The following SBF2 variants were observed in gnomAD, a reference collection of about 807,000 sequenced individuals.
The protein encoded by SBF2 is myotubularin-related protein 13.
A neutral mutation model predicts 225.2 loss-of-function variants in SBF2; 112 were observed. The ratio of observed to expected loss-of-function variants is 0.50; its 90% CI spans 0.43 to 0.58. The LOEUF is 0.58. Ranked by LOEUF, SBF2 falls within the 20% of genes least tolerant of loss-of-function variation. SBF2 has a pLI of 0.00. For synonymous variants in SBF2, 763 were observed against 773.3 expected, an observed-to-expected ratio of 0.99 and a Z score of 0.22; for missense variants, 1,996 against 2,206.2, an observed-to-expected ratio of 0.90 and a Z score of 1.91.
At chr11:10,207,539 G>C (rs752538758) in intron 1 of SBF2, among the ~76,000 whole-genome samples, 1 of 152,042 alleles carries the variant, frequency 6.6e-6, no homozygotes, top group Admixed American at 6.6e-5. Flanking sequence ...CTTTAAGATT[G>C]CTTAAAACTT....
chr11:9,967,965 CTCTCTCTATA>C (rs1387227839), intron 14 of SBF2, among the ~76,000 whole-genome samples: 41 of 94,936 alleles, frequency 4.3e-4, no homozygotes, highest in African/African-American at 1.2e-3. Flanking sequence ...CTCTCTCTCT[CTCTCTCTATA>C]TATATATATA....
rs1047453608 is a variant in SBF2, at chr11:10,059,396, T to TA, written c.142-16416dup. Among the ~76,000 whole-genome samples the TA allele has an allele frequency of 5.9e-5, 9 of 151,406 alleles. 1 individual carries two copies. Among genetic ancestry groups the TA allele is most frequent in the South Asian group, 4.2e-4 (2 of 4,786 alleles). ...AGAAAAAGTTTCAAACCAACAAAGA[T>TA]AAAAAAAAGACAAGAAATAGCAATA... On this transcript the variant is annotated intron_variant, in intron 2 of 39. Transcript: ENST00000256190.
chr11:10,115,817 T>G (rs1488480540), intron 2 of SBF2, among the ~76,000 whole-genome samples: 2 of 152,168 alleles, frequency 1.3e-5, no homozygotes, highest in African/African-American at 4.8e-5. Context: ...TTTCTGATGA[T>G]CAGGTAGAAA....
chr11:9,966,774 A>C (rs192420276), intron 14 of SBF2, among the ~76,000 whole-genome samples: 4 of 152,342 alleles, frequency 2.6e-5, no homozygotes, highest in African/African-American at 9.6e-5. Flanking sequence ...ACATGAAAAA[A>C]TGTTCAGTAT....
intron 16 of SBF2, chr11:9,959,719 C>A: frequency 1.4e-6 from 1 of 693,868 alleles, no homozygotes; most frequent in Non-Finnish European, 2.7e-6. Context: ...GACTTTCTCA[C>A]CCTGAGGTAG....
At chr11:10,222,902 A>G (rs1378956060) in intron 1 of SBF2, among the ~76,000 whole-genome samples, 1 of 152,120 alleles carries the variant, frequency 6.6e-6, no homozygotes, top group Non-Finnish European at 1.5e-5. Flanking sequence ...CAGGACAGAT[A>G]ATGTCCTTTA....
At chr11:9,960,795 G>A (rs1437194788) in intron 16 of SBF2, 1 of 152,168 alleles carries the variant, frequency 6.6e-6, no homozygotes, top group African/African-American at 2.4e-5. Context: ...CTCCTGCGTA[G>A]CTGGGATTAC....
Position 10,130,313 on chromosome 11 carries a change from G to A in SBF2, c.141+63589C>T, listed in dbSNP as rs535326479. Reference sequence around the variant, plus strand: ...GGAGGCGGAGGTTGCAGTGAGCCGAGATCGCACCACTGTACTCCAGCCTGG... The same window carrying A: ...GGAGGCGGAGGTTGCAGTGAGCCGAAATCGCACCACTGTACTCCAGCCTGG... On this transcript the variant is annotated intron_variant, in intron 2 of 39. Coordinates refer to ENST00000256190, the MANE Select transcript of SBF2 (RefSeq NM_030962.4). 3.9e-3 allele frequency among the ~76,000 whole-genome samples: 584 copies of A among 150,980 alleles called. 3 individuals are homozygous for A. The highest frequency in any genetic ancestry group is 6.3e-3 in the Non-Finnish European group (426 of 67,834).
intron 35 of SBF2, among the ~76,000 whole-genome samples, chr11:9,788,689 G>A (rs913981433): frequency 1.3e-4 from 19 of 151,064 alleles, no homozygotes; most frequent in Non-Finnish European, 2.5e-4. Flanking sequence ...CCGCCTCGCA[G>A]GTTCATGCCA....
chr11:10,129,470 A>G (rs190003395), intron 2 of SBF2, among the ~76,000 whole-genome samples: 1 of 152,316 alleles, frequency 6.6e-6, no homozygotes, highest in East Asian at 1.9e-4. Flanking sequence ...TGCTGTGCTT[A>G]GGAAGTGAGA....
intron 1 of SBF2, among the ~76,000 whole-genome samples, chr11:10,211,744 A>G (rs969425457): frequency 6.6e-6 from 1 of 152,220 alleles, no homozygotes; most frequent in Non-Finnish European, 1.5e-5. Flanking sequence ...AGGCAATATG[A>G]TGACGGTGTA....
chr11:10,075,121 C>G (rs1319528190), intron 2 of SBF2, among the ~76,000 whole-genome samples: 1 of 152,228 alleles, frequency 6.6e-6, no homozygotes, highest in Admixed American at 6.5e-5. Context: ...AAGGCTAAAA[C>G]TTGATAATCT....
intron 4 of SBF2, among the ~76,000 whole-genome samples, 172 bp downstream of exon 4, chr11:10,030,876 T>C (rs1247505080): frequency 6.6e-6 from 1 of 152,210 alleles, no homozygotes; most frequent in African/African-American, 2.4e-5. Flanking sequence ...CTTATTCAGG[T>C]ATTTATTTCA....
intron 21 of SBF2, 53 bp from the exon 22 acceptor site, chr11:9,850,271 T>C (rs1217830397): frequency 1.2e-5 from 19 of 1,557,632 alleles, no homozygotes; most frequent in South Asian, 3.3e-5. Context: ...TGATTGATTT[T>C]TGGAGACAGG....
intron 6 of SBF2, among the ~76,000 whole-genome samples, chr11:10,013,605 G>C (rs576263323): frequency 6.6e-6 from 1 of 152,228 alleles, no homozygotes; most frequent in Non-Finnish European, 1.5e-5. Flanking sequence ...TGTTAATTTT[G>C]TCTCCTAAAT....
At chr11:10,195,642 C>T in intron 1 of SBF2, among the ~76,000 whole-genome samples, 1 of 152,148 alleles carries the variant, frequency 6.6e-6, no homozygotes, top group East Asian at 1.9e-4. Flanking sequence ...CCTTGCCCCT[C>T]ACCTAAACTG....
intron 16 of SBF2, chr11:9,957,493 T>G (rs1263938440): frequency 1.3e-5 from 2 of 152,134 alleles, no homozygotes; most frequent in African/African-American, 2.4e-5. Flanking sequence ...AGATTCTTGC[T>G]CTGTCGCCCA....
At chr11:10,020,130 C>T (rs1948792807) in intron 6 of SBF2, among the ~76,000 whole-genome samples, 1 of 151,992 alleles carries the variant, frequency 6.6e-6, no homozygotes, top group Non-Finnish European at 1.5e-5. Context: ...CACAGTGGTG[C>T]CAGGGAAGGG....
At chr11:10,247,243 A>G (rs1394629454) in intron 1 of SBF2, among the ~76,000 whole-genome samples, 1 of 152,220 alleles carries the variant, frequency 6.6e-6, no homozygotes, top group Non-Finnish European at 1.5e-5. Context: ...ACACACATGC[A>G]AAACTCCTAA....
Sources: allele counts gnomAD v4.1 joint callset (sites outside exome capture counted in the v4.1 genomes callset), GRCh38; gene constraint gnomAD v4.1.1; transcripts MANE v1.5; gene names NCBI Gene and HGNC (gene_info 2026-07-23, HGNC 2026-07-21).